CNBD1: variants seen among roughly 807,000 people sequenced by gnomAD.
CNBD1 encodes the protein cyclic nucleotide-binding domain-containing protein 1.
CNBD1 carries 71 observed loss-of-function variants against 54.4 expected under a neutral mutation model. The observed-to-expected ratio is 1.30, with a 90% confidence interval of 1.08 to 1.59. CNBD1 has a LOEUF of 1.59. CNBD1 is among the 40% of genes most tolerant of loss of function. CNBD1 has a pLI of 0.00. For missense variants in CNBD1, 659 were observed against 518.0 expected (o/e 1.27, Z -2.64); for synonymous variants, 182 against 170.7 (o/e 1.07, Z -0.51).
intron 8 of CNBD1, among the ~76,000 whole-genome samples, chr8:87,291,764 A>G (rs1421157141): frequency 6.6e-6 from 1 of 152,126 alleles, no homozygotes; most frequent in African/African-American, 2.4e-5. Context: ...GACTAAAGGC[A>G]CATGCCACCA....
chr8:87,407,200 C>A (rs1586083414), intron 2 of CNBD1, among the ~76,000 whole-genome samples: 1 of 152,036 alleles, frequency 6.6e-6, no homozygotes, highest in South Asian at 2.1e-4. Context: ...AAGTTAATCA[C>A]CTTTCTCACT....
At chr8:87,400,137 A>G (rs1807528201) in intron 2 of CNBD1, among the ~76,000 whole-genome samples, 2 of 151,924 alleles carry the variant, frequency 1.3e-5, no homozygotes. Context: ...GCGACTCCCG[A>G]GGATTCTCAT....
chr8:87,367,174 T>A (rs1810658173), intron 10 of CNBD1, among the ~76,000 whole-genome samples: 1 of 152,094 alleles, frequency 6.6e-6, no homozygotes, highest in Non-Finnish European at 1.5e-5. Flanking sequence ...CTATATTCTT[T>A]GTCCTGACAA....
chr8:87,323,919 G>T (rs1809600488), intron 8 of CNBD1, among the ~76,000 whole-genome samples: 2 of 138,226 alleles, frequency 1.4e-5, no homozygotes, highest in Non-Finnish European at 3.2e-5. Context: ...TGCCCATTCA[G>T]TATGATATTG....
intron 4 of CNBD1, among the ~76,000 whole-genome samples, chr8:87,199,769 T>G (rs949260260): frequency 6.6e-6 from 1 of 152,164 alleles, no homozygotes; most frequent in Non-Finnish European, 1.5e-5. Flanking sequence ...TATTTCTTGG[T>G]GAAGATTTGG....
chr8:87,019,915 T>C (rs1809447769), intron 4 of CNBD1, among the ~76,000 whole-genome samples: 1 of 152,150 alleles, frequency 6.6e-6, no homozygotes, highest in South Asian at 2.1e-4. Context: ...AATTCTAATT[T>C]AATGTTGGTC....
intron 4 of CNBD1, among the ~76,000 whole-genome samples, chr8:86,961,364 C>T (rs1449271405): frequency 1.3e-5 from 2 of 152,316 alleles, no homozygotes; most frequent in Non-Finnish European, 2.9e-5. Context: ...GGCCAAACAG[C>T]ACCAAAGGAG....
intron 4 of CNBD1, among the ~76,000 whole-genome samples, chr8:86,946,010 T>C (rs13273175): frequency 0.077 from 11,703 of 152,226 alleles, 495 homozygotes; most frequent in South Asian, 0.083. Flanking sequence ...GGCAAATTTC[T>C]ACCTCCAAAA....
chr8:87,024,507 A>AT (rs1262345764), intron 4 of CNBD1, among the ~76,000 whole-genome samples: 2 of 151,148 alleles, frequency 1.3e-5, no homozygotes, highest in Non-Finnish European at 2.9e-5. Context: ...TGCCTGGCTA[A>AT]TTTTTTATAT....
rs1022152543 is a variant in CNBD1, at chr8:87,219,725, A to G, written c.577+13587A>G. ...ACAGTTTCTAAACTGTTCAATATTT[A>G]TTGTTCATGCTTACTGTTTGGAATC... On this transcript the variant is annotated intron_variant, in intron 5 of 10. Transcript: ENST00000518476. Among the ~76,000 whole-genome samples, 9 of 152,142 alleles carry G rather than the reference A, an allele frequency of 5.9e-5. No homozygotes were observed. The South Asian group carries it at 1.7e-3, about 28-fold the overall frequency.
At chr8:86,876,169 C>CTG (rs1311195980) in intron 1 of CNBD1, among the ~76,000 whole-genome samples, 3 of 105,628 alleles carry the variant, frequency 2.8e-5, no homozygotes, top group Non-Finnish European at 5.5e-5. Flanking sequence ...TGTTTGATAC[C>CTG]TGTGTGTGTG....
chr8:87,322,124 G>C (rs981212231), intron 8 of CNBD1, among the ~76,000 whole-genome samples: 2 of 121,556 alleles, frequency 1.6e-5, no homozygotes, highest in South Asian at 4.7e-4. Context: ...CCCTACAAAG[G>C]ACATGAACTC....
intron 10 of CNBD1, among the ~76,000 whole-genome samples, chr8:87,379,962 A>C (rs1811040821): frequency 6.6e-6 from 1 of 151,924 alleles, no homozygotes; most frequent in African/African-American, 2.4e-5. Context: ...AACATTTACC[A>C]AGTGGTAAAA....
intron 4 of CNBD1, among the ~76,000 whole-genome samples, chr8:87,066,252 T>C (rs1267596935): frequency 6.6e-6 from 1 of 151,952 alleles, no homozygotes; most frequent in Admixed American, 6.6e-5. Context: ...TGATAAATGA[T>C]TGAAACAAAG....
intron 5 of CNBD1, among the ~76,000 whole-genome samples, chr8:87,210,820 T>C (rs1340842284): frequency 2.6e-5 from 4 of 152,152 alleles, no homozygotes; most frequent in Non-Finnish European, 5.9e-5. Flanking sequence ...ACTAGGGTTA[T>C]GCAAAAGGGA....
chr8:87,302,294 T>C lies in CNBD1; in HGVS notation c.1042+15623T>C, dbSNP rs186929514. Reference sequence around the variant, plus strand: ...ACATCAAAAAGCTTATCCAACATGATCAAGTGGGCTTCATCGCTGGGATGC... The same window carrying C: ...ACATCAAAAAGCTTATCCAACATGACCAAGTGGGCTTCATCGCTGGGATGC... On this transcript the variant is annotated intron_variant, in intron 8 of 10. Transcript: ENST00000518476. 2.5e-3 allele frequency among the ~76,000 whole-genome samples: 388 copies of C among 152,246 alleles called. 4 individuals are homozygous for C. Among genetic ancestry groups the C allele is most frequent in the African/African-American group, 8.5e-3 (353 of 41,528 alleles).
intron 4 of CNBD1, among the ~76,000 whole-genome samples, chr8:87,080,720 A>T (rs1412136719): frequency 6.6e-6 from 1 of 152,176 alleles, no homozygotes; most frequent in Non-Finnish European, 1.5e-5. Context: ...ATTTTAAATT[A>T]TAATTTATTT....
chr8:87,397,353 A>T (rs1485521994), intron 2 of CNBD1, among the ~76,000 whole-genome samples: 1 of 151,904 alleles, frequency 6.6e-6, no homozygotes, highest in Admixed American at 6.6e-5. Context: ...ATCTTGACCC[A>T]GTCCTGTAAT....
At chr8:87,352,811 T>G (rs1810333383) in intron 9 of CNBD1, among the ~76,000 whole-genome samples, 1 of 152,222 alleles carries the variant, frequency 6.6e-6, no homozygotes, top group Non-Finnish European at 1.5e-5. Flanking sequence ...ATATCTAAAC[T>G]AACTTGAATT....
Sources: allele counts gnomAD v4.1 joint callset (sites outside exome capture counted in the v4.1 genomes callset), GRCh38; gene constraint gnomAD v4.1.1; transcripts MANE v1.5; gene names NCBI Gene and HGNC (gene_info 2026-07-23, HGNC 2026-07-21).